ZNF423: variants seen among roughly 807,000 people sequenced by gnomAD.
ZNF423 encodes Ebf-associated zinc finger protein.
ZNF423 carries 12 observed loss-of-function variants against 95.8 expected under a neutral mutation model. The observed-to-expected ratio is 0.13, with a 90% confidence interval of 0.08 to 0.20. The LOEUF (loss-of-function observed/expected upper bound fraction) is 0.20, where lower values mean the gene tolerates loss of function less well. ZNF423 is among the 10% of genes least tolerant of loss of function. The probability of loss-of-function intolerance (pLI) is 1.00; values close to 1 mark genes in which losing one functional copy is unlikely to be tolerated. For synonymous variants in ZNF423, 749 were observed against 711.9 expected, an observed-to-expected ratio of 1.05 and a Z score of -0.83; for missense variants, 1,316 against 1,737.1, an observed-to-expected ratio of 0.76 and a Z score of 4.31.
chr16:49,524,421 C>T (rs867227307), intron 6 of ZNF423, among the ~76,000 whole-genome samples: 3 of 152,196 alleles, frequency 2.0e-5, no homozygotes, highest in Non-Finnish European at 2.9e-5. Flanking sequence ...CCCTTCAGTG[C>T]CAGCCTCAGA....
At chr16:49,726,887 C>T (rs1009715730) in intron 3 of ZNF423, among the ~76,000 whole-genome samples, 3 of 111,422 alleles carry the variant, frequency 2.7e-5, no homozygotes, top group African/African-American at 9.9e-5. Flanking sequence ...AAAAAAATGG[C>T]GAAGACCAGG....
rs1300210277 is a variant in ZNF423 at position 49,511,852 on chromosome 16, G to A, written c.3849+11772C>T. On this transcript the variant is annotated intron_variant, in intron 7 of 7. Coordinates refer to ENST00000563137, the MANE Select transcript of ZNF423 (RefSeq NM_001379286.1). ...TTGACAGTAAATAAACCAAGGCTTA[G>A]AGACACAGACCAACTGTGCTCGTAA... Among the ~76,000 whole-genome samples, 3 of 152,142 alleles carry A rather than the reference G, an allele frequency of 2.0e-5. No homozygotes were observed. The South Asian group carries it at 6.2e-4, about 32-fold the overall frequency.
chr16:49,582,472 CA>C (rs1970703872), intron 5 of ZNF423, among the ~76,000 whole-genome samples: 1 of 152,218 alleles, frequency 6.6e-6, no homozygotes, highest in Non-Finnish European at 1.5e-5. Context: ...AAACACTATG[CA>C]TACTCTATTT....
intron 7 of ZNF423, among the ~76,000 whole-genome samples, chr16:49,519,552 T>A (rs1968298813): frequency 6.6e-6 from 1 of 152,182 alleles, no homozygotes; most frequent in Admixed American, 6.5e-5. Context: ...GCCAAAAGAT[T>A]TTTGCTCATT....
chr16:49,815,811 T>C (rs951461832), intron 1 of ZNF423, among the ~76,000 whole-genome samples: 4 of 144,730 alleles, frequency 2.8e-5, no homozygotes, highest in Admixed American at 7.0e-5. Context: ...CAGCTAGAAA[T>C]CTGGATTTTT....
intron 3 of ZNF423, among the ~76,000 whole-genome samples, chr16:49,716,874 G>A (rs1038402367): frequency 6.6e-6 from 1 of 152,150 alleles, no homozygotes; most frequent in Non-Finnish European, 1.5e-5. Flanking sequence ...CCAGTCAGCG[G>A]GAGATAAATT....
rs545977248 is a variant in ZNF423, at chr16:49,855,511, T to TCCG, written c.40+221_40+223dup. Among the ~76,000 whole-genome samples, 47,700 of 143,704 alleles carry TCCG rather than the reference T, an allele frequency of 0.33. 9,070 individuals carry two copies. The highest frequency in any genetic ancestry group is 0.58 in the East Asian group (2,586 of 4,452). The allele number at this position is 143,704 out of a possible 152,430, so 94.3% of individuals were successfully genotyped here. On this transcript the variant is annotated intron_variant, in intron 1 of 7. Transcript: ENST00000563137. The surrounding 1 kb of genome is among the most constrained non-coding windows in gnomAD (Gnocchi z 4.7). ...GGGAGGGTGTCCGCGGCGTACCCCC[T>TCCG]CCGCCGCCGCCGCCGCCGCCGCCGC...
At chr16:49,828,495 T>C (rs995796780) in intron 1 of ZNF423, among the ~76,000 whole-genome samples, 3 of 152,050 alleles carry the variant, frequency 2.0e-5, no homozygotes, top group Non-Finnish European at 1.5e-5. Flanking sequence ...CACTTCCCAC[T>C]GAAAAAGAAA....
intron 2 of ZNF423, among the ~76,000 whole-genome samples, chr16:49,760,302 G>A (rs1355786057): frequency 1.5e-5 from 2 of 131,592 alleles, no homozygotes; most frequent in African/African-American, 5.8e-5. Flanking sequence ...TGAATGGATG[G>A]ATGGGTGGAT....
At chr16:49,555,990 C>T (rs537789633) in intron 5 of ZNF423, among the ~76,000 whole-genome samples, 1 of 152,266 alleles carries the variant, frequency 6.6e-6, no homozygotes, top group East Asian at 1.9e-4. Context: ...AGATGATCCA[C>T]AAGGCTGCTC....
At chr16:49,509,530 T>C (rs546841653) in intron 7 of ZNF423, among the ~76,000 whole-genome samples, 56 of 152,252 alleles carry the variant, frequency 3.7e-4, no homozygotes, top group African/African-American at 1.3e-3. Flanking sequence ...GCTCCTGAAA[T>C]GCCAACTTGC....
Position 49,586,327 on chromosome 16 carries a change from G to T in ZNF423, c.3601+39843C>A, listed in dbSNP as rs561915785. 1.2e-3 allele frequency among the ~76,000 whole-genome samples: 188 copies of T among 152,016 alleles called. 3 individuals are homozygous for T. Among genetic ancestry groups the T allele is most frequent in the African/African-American group, 4.3e-3 (177 of 41,436 alleles). On this transcript the variant is annotated intron_variant, in intron 5 of 7. Coordinates refer to ENST00000563137, the MANE Select transcript of ZNF423 (RefSeq NM_001379286.1). ...TGCTCAGTATCCCTGGAATGACTGG[G>T]CCATTCCCAGTGTATTACTTGCATA...
chr16:49,668,863 C>G (rs748339994), intron 3 of ZNF423, among the ~76,000 whole-genome samples: 8 of 152,140 alleles, frequency 5.3e-5, no homozygotes, highest in Non-Finnish European at 4.4e-5. Flanking sequence ...GACAAGTGAC[C>G]TCCCCTCTCT....
intron 1 of ZNF423, among the ~76,000 whole-genome samples, chr16:49,830,346 G>A (rs564220524): frequency 1.1e-4 from 17 of 152,230 alleles, no homozygotes; most frequent in African/African-American, 1.4e-4. Context: ...GAGATGCTCC[G>A]GAACCTTGCA....
intron 1 of ZNF423, among the ~76,000 whole-genome samples, chr16:49,853,501 A>G (rs543917365): frequency 6.9e-4 from 105 of 152,310 alleles, no homozygotes; most frequent in African/African-American, 2.4e-3. Context: ...AGCCATGGGA[A>G]GAATCAGGGG....
intron 5 of ZNF423, among the ~76,000 whole-genome samples, chr16:49,567,794 G>T (rs1359306900): frequency 6.6e-6 from 1 of 152,054 alleles, no homozygotes; most frequent in African/African-American, 2.4e-5. Flanking sequence ...CCCTTCCCAT[G>T]GACCCAGCCC....
chr16:49,706,542 C>T (rs117767612), intron 3 of ZNF423, among the ~76,000 whole-genome samples: 2,770 of 152,364 alleles, frequency 0.018, 39 homozygotes, highest in Middle Eastern at 0.041. Flanking sequence ...GCCACTCCAC[C>T]GCCTGGAGGC....
chr16:49,589,948 A>G (rs1447625263), intron 5 of ZNF423, among the ~76,000 whole-genome samples: 1 of 151,274 alleles, frequency 6.6e-6, no homozygotes, highest in Non-Finnish European at 1.5e-5. Context: ...TCACAAAAGC[A>G]TGCAAAGGTT....
chr16:49,653,311 C>CAAAAAA (rs5816652), intron 3 of ZNF423, among the ~76,000 whole-genome samples: 3 of 99,170 alleles, frequency 3.0e-5, no homozygotes, highest in Admixed American at 1.2e-4. Context: ...CAAGAACCAC[C>CAAAAAA]AAAAAAAAAA....
Sources: gnomAD v4.1 joint callset for allele counts (sites outside exome capture counted in the v4.1 genomes callset) on GRCh38, gnomAD v4.1.1 for gene constraint, Gnocchi (gnomAD v3.1) non-coding constraint, MANE v1.5 for transcripts, NCBI Gene and HGNC (gene_info 2026-07-23, HGNC 2026-07-21) for gene names.